Variants in GCN1 observed in about 807,000 individuals in gnomAD.
The protein encoded by GCN1 is GCN1 activator of EIF2AK4, also known as stalled ribosome sensor GCN1.
In GCN1, 90 loss-of-function variants were observed where a neutral mutation model predicts 288.4. That is an observed-to-expected ratio of 0.31 (90% CI 0.26 to 0.37). The LOEUF (loss-of-function observed/expected upper bound fraction) is 0.37. Ranked by LOEUF, GCN1 falls within the 10% of genes least tolerant of loss-of-function variation. The probability of loss-of-function intolerance (pLI) is 1.00; values close to 1 mark genes in which losing one functional copy is unlikely to be tolerated. For missense variants in GCN1, 2,586 were observed against 3,419.9 expected, an observed-to-expected ratio of 0.76 and a Z score of 6.08; for synonymous variants, 1,386 against 1,420.2, an observed-to-expected ratio of 0.98 and a Z score of 0.54.
intron 11 of GCN1, 73 bp from the exon 12 acceptor site, chr12:120,175,285 G>A (rs1594284358): frequency 1.6e-5 from 20 of 1,288,912 alleles, no homozygotes; most frequent in Admixed American, 1.4e-4. Flanking sequence ...ATGCAGTCAC[G>A]TGTGTGATGC....
At chr12:120,168,509 G>T in intron 15 of GCN1, 1 of 506,974 alleles carries the variant, frequency 2.0e-6, no homozygotes, top group African/African-American at 1.9e-5. Flanking sequence ...GCTGCCTACA[G>T]GATCCTAGGT....
intron 36 of GCN1, 100 bp from the exon 37 acceptor site, chr12:120,148,446 T>A: frequency 1.1e-6 from 1 of 933,776 alleles, no homozygotes; most frequent in African/African-American, 1.6e-5. Flanking sequence ...CCCTGGCCCC[T>A]GCAGACGGTG....
At chr12:120,184,794 C>A in intron 3 of GCN1, 30 bp downstream of exon 3, 1 of 1,524,214 alleles carries the variant, frequency 6.6e-7, no homozygotes, top group South Asian at 1.1e-5. Context: ...ACAAAGTGCT[C>A]CACATATGGG....
At chr12:120,185,364 A>C (rs1017715908) in intron 2 of GCN1, among the ~76,000 whole-genome samples, 1 of 152,248 alleles carries the variant, frequency 6.6e-6, no homozygotes, top group Non-Finnish European at 1.5e-5. Flanking sequence ...TGAAAGTCTG[A>C]AGGACACATA....
chr12:120,161,440 A>G (rs1161679422), intron 22 of GCN1, 50 bp downstream of exon 22: 2 of 1,232,066 alleles, frequency 1.6e-6, no homozygotes, highest in Non-Finnish European at 2.4e-6. Flanking sequence ...CACCAGCTTG[A>G]GGCCACCAAG....
intron 2 of GCN1, among the ~76,000 whole-genome samples, chr12:120,190,010 C>T (rs1250802868): frequency 6.6e-6 from 1 of 151,478 alleles, no homozygotes; most frequent in Non-Finnish European, 1.5e-5. Flanking sequence ...AAAAAAACCA[C>T]AAAATTTATT....
chr12:120,133,528 G>C (rs1017556096), intron 53 of GCN1, among the ~76,000 whole-genome samples: 1 of 151,960 alleles, frequency 6.6e-6, no homozygotes, highest in African/African-American at 2.4e-5. Flanking sequence ...ACTTGCCACC[G>C]GGACACACCC....
At chr12:120,175,602 A>G (rs1594284542) in intron 11 of GCN1, 144 bp downstream of exon 11, 2 of 836,192 alleles carry the variant, frequency 2.4e-6, no homozygotes, top group East Asian at 5.4e-5. Flanking sequence ...ATTCACACAC[A>G]TTCACATTCC....
Position 120,159,959 on chromosome 12 carries a change from C to A in GCN1, c.2615G>T (p.Gly872Val). The part of the protein sequence containing the change: ...LDIILAKNPS[G>V]LTQYIPVLVD... ...CAAAACAGGGATGTACTGGGTCAGGCCGGACGGGTTCTTGGCCAGGATGAT... is the reference window on the plus strand; with the variant it reads ...CAAAACAGGGATGTACTGGGTCAGGACGGACGGGTTCTTGGCCAGGATGAT... The change falls in exon 24 of 58, where the codon GGC (glycine) becomes GTC (valine). Residue 872 changes from glycine (G) to valine (V), a missense_variant. Around this residue, in one of 8 missense-constraint regions of GCN1, gnomAD observed 913 missense variants for 1,107.0 expected, o/e 0.82. Coordinates refer to ENST00000300648, the MANE Select transcript of GCN1 (RefSeq NM_006836.2). The A allele has an allele frequency of 6.2e-7, 1 of 1,614,172 alleles. No individual in the cohort carries two copies. Among genetic ancestry groups the A allele is most frequent in the Non-Finnish European group, 8.5e-7 (1 of 1,180,000 alleles).
intron 33 of GCN1, among the ~76,000 whole-genome samples, chr12:120,152,218 A>G (rs2139103899): frequency 6.6e-6 from 1 of 151,936 alleles, no homozygotes; most frequent in East Asian, 1.9e-4. Flanking sequence ...TTGTAGAGAC[A>G]GGATCTCACT....
chr12:120,150,718 A>G (rs1451860868), intron 34 of GCN1, among the ~76,000 whole-genome samples: 9 of 152,084 alleles, frequency 5.9e-5, no homozygotes, highest in Non-Finnish European at 1.2e-4. Flanking sequence ...CGGACAGATC[A>G]CGAGGTCAGG....
intron 2 of GCN1, among the ~76,000 whole-genome samples, chr12:120,189,326 C>CAGTGGA (rs1468345423): frequency 1.3e-5 from 2 of 151,630 alleles, no homozygotes; most frequent in Non-Finnish European, 2.9e-5. Context: ...TCGCCTCGGC[C>CAGTGGA]TCCCAAACTG....
intron 2 of GCN1, among the ~76,000 whole-genome samples, chr12:120,187,835 C>T (rs1757327368): frequency 6.7e-6 from 1 of 149,340 alleles, no homozygotes; most frequent in Non-Finnish European, 1.5e-5. Context: ...GTCCAGGGAC[C>T]ACACTTTGAG....
intron 2 of GCN1, among the ~76,000 whole-genome samples, chr12:120,185,644 C>T (rs181343859): frequency 5.3e-5 from 8 of 152,160 alleles, no homozygotes; most frequent in East Asian, 1.9e-4. Context: ...TCTATCGCCC[C>T]GGCTGGAGTG....
In GCN1 at chr12:120,185,663, C is replaced by T. The variant is rs372555544; in HGVS notation, c.122-776G>A. 1.1e-4 allele frequency among the ~76,000 whole-genome samples: 17 copies of T among 152,232 alleles called. No homozygotes were observed. In the East Asian group the frequency reaches 1.2e-3, roughly 10 times the overall value. On this transcript the variant is annotated intron_variant, in intron 2 of 57. Transcript: ENST00000300648. ...TCGCCCCGGCTGGAGTGCAGTAGTGCGATCTCGGCTCACCGCAACCTCCGC... is the reference window on the plus strand; with the variant it reads ...TCGCCCCGGCTGGAGTGCAGTAGTGTGATCTCGGCTCACCGCAACCTCCGC...
In GCN1 at chr12:120,153,847, G is replaced by A; in HGVS notation, c.3764C>T (p.Pro1255Leu). 6.2e-7 allele frequency: 1 copy of A among 1,614,044 alleles called. No individual in the cohort carries two copies. Among genetic ancestry groups the A allele is most frequent in the South Asian group, 1.1e-5 (1 of 91,088 alleles). The change falls in exon 32 of 58, where the codon CCA becomes CTA. Residue 1255 changes from proline (P) to leucine (L), a missense_variant. This residue lies in a region of GCN1 where 332 missense variants were observed against 403.0 expected (regional missense o/e 0.82). Coordinates refer to ENST00000300648, the MANE Select transcript of GCN1 (RefSeq NM_006836.2). This position sits in a 1 kb window ranked among gnomAD's most constrained non-coding sequence, Gnocchi z 4.4. ...SQYLDSSQVK[P>L]LFQFFVPDAL... Reference sequence around the variant, plus strand: ...ATCAGGGACAAAAAACTGAAAGAGTGGCTTCACCTGAGAGCTGTCCAAATA... The same window carrying A: ...ATCAGGGACAAAAAACTGAAAGAGTAGCTTCACCTGAGAGCTGTCCAAATA...
chr12:120,159,927 A>T lies in GCN1; in HGVS notation c.2647T>A (p.Ser883Thr). 6.2e-7 allele frequency: 1 copy of T among 1,614,154 alleles called. No individual in the cohort carries two copies. Among genetic ancestry groups the T allele is most frequent in the Non-Finnish European group, 8.5e-7 (1 of 1,179,996 alleles). ...GGAGACTTCAGCAAGGGCAGAAAAG[A>T]GTCGACCAAAACAGGGATGTACTGG... is the stretch of plus-strand genomic sequence containing the variant. ...LTQYIPVLVD[S>T]FLPLLKSPLA... Residue 883 changes from serine to threonine, a missense_variant, in exon 24 of 58, where the codon TCT (serine) becomes ACT (threonine). By Grantham distance (58) the Ser-to-Thr change is moderately conservative. Around this residue, in one of 8 missense-constraint regions of GCN1, gnomAD observed 913 missense variants for 1,107.0 expected, o/e 0.82. Transcript: ENST00000300648.
chr12:120,127,764 C>T lies in GCN1; in HGVS notation c.*85G>A. On this transcript the variant is annotated 3_prime_UTR_variant, in exon 58 of 58. Coordinates refer to ENST00000300648, the MANE Select transcript of GCN1 (RefSeq NM_006836.2). Reference sequence around the variant, plus strand: ...CTTTCTGGGAACGCCATCTTCCAAGCTCCCCATTGGAACAAATGTATTTTC... The same window carrying T: ...CTTTCTGGGAACGCCATCTTCCAAGTTCCCCATTGGAACAAATGTATTTTC... 7.0e-7 allele frequency: 1 copy of T among 1,422,730 alleles called. No homozygotes were observed. Among genetic ancestry groups the T allele is most frequent in the Non-Finnish European group, 9.8e-7 (1 of 1,025,092 alleles). The allele number at this position is 1,422,730 out of a possible 1,614,324, so 88.1% of individuals were successfully genotyped here.
In GCN1 at chr12:120,176,304, A is replaced by C. The variant is rs1434655293; in HGVS notation, c.839-87T>G. ...GTTCCCCTACTCCCCAGCAAATGCC[A>C]CTAGGCCTGCTGTCTGGCCCTTCAT... On this transcript the variant is annotated intron_variant, in intron 9 of 57. Transcript: ENST00000300648. 5 of 826,630 alleles carry C rather than the reference A, an allele frequency of 6.0e-6. No homozygotes were observed. In the East Asian group the frequency reaches 1.2e-4, roughly 20 times the overall value. The allele number at this position is 826,630 out of a possible 1,614,324, so 51.2% of individuals were successfully genotyped here.
Sources: gnomAD v4.1 joint callset for allele counts (sites outside exome capture counted in the v4.1 genomes callset) on GRCh38, gnomAD v4.1.1 for gene constraint, gnomAD v4.1.1 regional missense constraint, Gnocchi (gnomAD v3.1) non-coding constraint, MANE v1.5 for transcripts, NCBI Gene and HGNC (gene_info 2026-07-23, HGNC 2026-07-21) for gene names.